The following GRM8 variants were observed in gnomAD, a reference collection of about 807,000 sequenced individuals.
GRM8 encodes the protein glutamate metabotropic receptor 8, also known as metabotropic glutamate receptor 8.
A neutral mutation model predicts 87.2 loss-of-function variants in GRM8; 47 were observed. That is an observed-to-expected ratio of 0.54 (90% confidence interval 0.43 to 0.69). The LOEUF (loss-of-function observed/expected upper bound fraction) is 0.69, where lower values mean the gene tolerates loss of function less well. Ranked by LOEUF, GRM8 falls within the 30% of genes least tolerant of loss-of-function variation. The pLI, the probability that GRM8 is intolerant of heterozygous loss-of-function variation, is 0.00. For missense variants in GRM8, 1,019 were observed against 1,139.2 expected, an observed-to-expected ratio of 0.89 and a Z score of 1.52; for synonymous variants, 396 against 404.5, an observed-to-expected ratio of 0.98 and a Z score of 0.25.
At chr7:127,137,220 T>TACACACAC (rs145265792) in intron 2 of GRM8, among the ~76,000 whole-genome samples, 23 of 149,888 alleles carry the variant, frequency 1.5e-4, no homozygotes, top group Non-Finnish European at 3.1e-4. Flanking sequence ...AACATACACA[T>TACACACAC]ACACACACAC....
chr7:126,763,112 C>T (rs1817768821), intron 7 of GRM8, among the ~76,000 whole-genome samples: 1 of 125,404 alleles, frequency 8.0e-6, no homozygotes, highest in Non-Finnish European at 1.9e-5. Context: ...ACAACACCCC[C>T]CCAATGAATC....
chr7:127,245,026 G>T (rs754977101), intron 1 of GRM8, among the ~76,000 whole-genome samples: 1 of 152,138 alleles, frequency 6.6e-6, no homozygotes, highest in Non-Finnish European at 1.5e-5. Flanking sequence ...TCACTGTTTA[G>T]TCCCTCACAC....
intron 9 of GRM8, among the ~76,000 whole-genome samples, chr7:126,514,629 C>G (rs1562905710): frequency 1.3e-5 from 2 of 151,940 alleles, no homozygotes; most frequent in South Asian, 4.1e-4. Flanking sequence ...GCAAGAGGAA[C>G]TTTGAATATG....
intron 6 of GRM8, among the ~76,000 whole-genome samples, chr7:126,866,017 G>C (rs1798561645): frequency 6.6e-6 from 1 of 152,206 alleles, no homozygotes; most frequent in Admixed American, 6.5e-5. Flanking sequence ...GTTTTTCAAA[G>C]TGGCTATAGC....
intron 9 of GRM8, among the ~76,000 whole-genome samples, chr7:126,520,031 C>T (rs541176514): frequency 6.6e-6 from 1 of 151,300 alleles, no homozygotes; most frequent in South Asian, 2.1e-4. Context: ...AAAATAGACA[C>T]TGAGCATAAC....
intron 6 of GRM8, among the ~76,000 whole-genome samples, chr7:126,775,275 G>C (rs2151623006): frequency 6.6e-6 from 1 of 152,198 alleles, no homozygotes; most frequent in Admixed American, 6.6e-5. Flanking sequence ...TCTAGGCCCA[G>C]ATTTAGAAGT....
chr7:126,989,357 T>C (rs1343430790), intron 3 of GRM8, among the ~76,000 whole-genome samples: 1 of 152,224 alleles, frequency 6.6e-6, no homozygotes, highest in Non-Finnish European at 1.5e-5. Context: ...GTTAACAAGA[T>C]AATAAATCAT....
chr7:127,083,461 A>G (rs540886564), intron 3 of GRM8, among the ~76,000 whole-genome samples: 1 of 152,272 alleles, frequency 6.6e-6, no homozygotes, highest in East Asian at 1.9e-4. Context: ...CTGCCTACAG[A>G]TGGACTGAAT....
At chr7:127,167,422 C>T (rs1038371307) in intron 2 of GRM8, among the ~76,000 whole-genome samples, 5 of 152,020 alleles carry the variant, frequency 3.3e-5, no homozygotes, top group East Asian at 1.9e-4. Flanking sequence ...TACAGGCATA[C>T]GTTTTATTGC....
chr7:126,892,215 C>A (rs1263399390), intron 6 of GRM8, among the ~76,000 whole-genome samples: 2 of 151,664 alleles, frequency 1.3e-5, no homozygotes, highest in Non-Finnish European at 2.9e-5. Flanking sequence ...CATATGTATA[C>A]ATGTGCCATG....
intron 3 of GRM8, among the ~76,000 whole-genome samples, chr7:127,004,791 T>G (rs1013936694): frequency 6.6e-6 from 1 of 151,700 alleles, no homozygotes; most frequent in Non-Finnish European, 1.5e-5. Flanking sequence ...TATTACATGT[T>G]TCTCTGGACT....
intron 9 of GRM8, among the ~76,000 whole-genome samples, chr7:126,507,031 C>G (rs1435410933): frequency 6.6e-6 from 1 of 152,026 alleles, no homozygotes; most frequent in East Asian, 1.9e-4. Context: ...CTCAATGAAG[C>G]CTTCCAAATC....
intron 2 of GRM8, among the ~76,000 whole-genome samples, chr7:127,222,223 T>C (rs767157457): frequency 6.6e-6 from 1 of 152,202 alleles, no homozygotes; most frequent in Non-Finnish European, 1.5e-5. Context: ...CTGGCCAATG[T>C]GGCAAAATCC....
chr7:126,490,699 T>G (rs1807904030), intron 9 of GRM8, among the ~76,000 whole-genome samples: 1 of 152,030 alleles, frequency 6.6e-6, no homozygotes, highest in Admixed American at 6.6e-5. Context: ...CAATGTTTCC[T>G]CACAGATTCT....
At chr7:126,828,439 C>T (rs951411780) in intron 6 of GRM8, among the ~76,000 whole-genome samples, 16 of 152,122 alleles carry the variant, frequency 1.1e-4, no homozygotes, top group South Asian at 6.2e-4. Context: ...GTTTAGTCTT[C>T]GGAGGGTGTA....
At chr7:126,474,268 G>GTATA (rs35138511) in intron 9 of GRM8, among the ~76,000 whole-genome samples, 58 of 150,292 alleles carry the variant, frequency 3.9e-4, no homozygotes, top group African/African-American at 1.1e-3. Flanking sequence ...GTGTGTGTGT[G>GTATA]TATATATATA....
At position 126,532,908 on chromosome 7, in the gene GRM8, T is replaced by C. The variant is rs369435047; in HGVS notation, c.2430+44A>G. On this transcript the variant is annotated intron_variant, in intron 9 of 10. Coordinates refer to ENST00000339582, the MANE Select transcript of GRM8 (RefSeq NM_000845.3). ...AGGAAAAGCATCCTAAAAGAAGATGTTAAATCCAGGAAAAAGTTGTCAAGT... is the reference window on the plus strand; with the variant it reads ...AGGAAAAGCATCCTAAAAGAAGATGCTAAATCCAGGAAAAAGTTGTCAAGT... 6.2e-5 allele frequency: 72 copies of C among 1,160,924 alleles called. No individual in the cohort carries two copies. In the African/African-American group the frequency reaches 1.0e-3, roughly 17 times the overall value. 71.9% of individuals were successfully genotyped at this position (1,160,924 alleles called of 1,614,324 possible).
intron 8 of GRM8, among the ~76,000 whole-genome samples, chr7:126,586,679 A>T (rs990427002): frequency 3.9e-5 from 6 of 152,144 alleles, no homozygotes; most frequent in Non-Finnish European, 5.9e-5. Flanking sequence ...CAAAAATTAA[A>T]TCAAGATGGA....
At chr7:126,835,039 G>A (rs1009135311) in intron 6 of GRM8, among the ~76,000 whole-genome samples, 11 of 149,070 alleles carry the variant, frequency 7.4e-5, no homozygotes, top group Non-Finnish European at 1.3e-4. Context: ...TTGCACCACT[G>A]CACTCCAGCC....
Sources: allele counts gnomAD v4.1 joint callset (sites outside exome capture counted in the v4.1 genomes callset), GRCh38; gene constraint gnomAD v4.1.1; transcripts MANE v1.5; gene names NCBI Gene and HGNC (gene_info 2026-07-23, HGNC 2026-07-21).